Variants in EPHB1 observed in about 807,000 individuals in gnomAD.
EPHB1 encodes ephrin type-B receptor 1.
In EPHB1, 30 loss-of-function variants were observed where a neutral mutation model predicts 94.4. The observed-to-expected ratio is 0.32, with a 90% CI of 0.24 to 0.43. EPHB1 has a LOEUF of 0.43. Among genes scored for constraint, EPHB1 ranks in the 20% least tolerant of loss-of-function variants. The probability of loss-of-function intolerance (pLI) is 1.00; values close to 1 mark genes in which losing one functional copy is unlikely to be tolerated. For missense variants in EPHB1, 1,055 were observed against 1,308.3 expected, an observed-to-expected ratio of 0.81 and a Z score of 2.99; for synonymous variants, 522 against 489.1, an observed-to-expected ratio of 1.07 and a Z score of -0.89.
intron 3 of EPHB1, among the ~76,000 whole-genome samples, chr3:134,998,466 T>G (rs1935068364): frequency 6.6e-6 from 1 of 152,214 alleles, no homozygotes; most frequent in South Asian, 2.1e-4. Context: ...ATCTCTGTTT[T>G]AGGCAGTAGA....
chr3:135,032,542 A>C (rs963284739), intron 3 of EPHB1, among the ~76,000 whole-genome samples: 2 of 152,162 alleles, frequency 1.3e-5, no homozygotes, highest in Non-Finnish European at 2.9e-5. Context: ...AGGGCTTAAA[A>C]AATTGTATCT....
intron 3 of EPHB1, among the ~76,000 whole-genome samples, chr3:135,092,169 G>C (rs562378709): frequency 1.8e-4 from 27 of 152,244 alleles, no homozygotes; most frequent in African/African-American, 6.5e-4. Flanking sequence ...ACTGGCAGCC[G>C]GGCACTGAGA....
chr3:134,859,382 T>A (rs562824879), intron 1 of EPHB1, among the ~76,000 whole-genome samples: 1 of 152,304 alleles, frequency 6.6e-6, no homozygotes, highest in East Asian at 1.9e-4. Context: ...TCCTGCTGGA[T>A]GTTAACTTGG....
chr3:134,821,553 A>G (rs1404657452), intron 1 of EPHB1, among the ~76,000 whole-genome samples: 2 of 152,194 alleles, frequency 1.3e-5, no homozygotes, highest in African/African-American at 2.4e-5. Flanking sequence ...TTAGTGGTGA[A>G]AAAAGGATAA....
Position 135,252,298 on chromosome 3 carries a change from C to T in EPHB1, c.2846+2807C>T, listed in dbSNP as rs1933148931. Reference sequence around the variant, plus strand: ...GTTACATATGTATACATGTGCCATGCTGGTGCGCTGCACCCACTAACTCGT... The same window carrying T: ...GTTACATATGTATACATGTGCCATGTTGGTGCGCTGCACCCACTAACTCGT... On this transcript the variant is annotated intron_variant, in intron 15 of 15. Coordinates refer to ENST00000398015, the MANE Select transcript of EPHB1 (RefSeq NM_004441.5). Among the ~76,000 whole-genome samples the T allele has an allele frequency of 6.0e-5, 9 of 150,938 alleles. No homozygotes were observed. In the South Asian group the frequency reaches 1.9e-3, roughly 32 times the overall value.
At chr3:135,090,805 A>G (rs1321852633) in intron 3 of EPHB1, among the ~76,000 whole-genome samples, 1 of 152,246 alleles carries the variant, frequency 6.6e-6, no homozygotes, top group Non-Finnish European at 1.5e-5. Context: ...TCAGCCTCAA[A>G]GCTTTTGCTC....
intron 1 of EPHB1, among the ~76,000 whole-genome samples, chr3:134,819,534 A>G (rs917487664): frequency 1.3e-5 from 2 of 152,196 alleles, no homozygotes; most frequent in African/African-American, 4.8e-5. Context: ...GATAACATAG[A>G]TGGATTGCCT....
At chr3:135,048,693 C>T (rs1395171761) in intron 3 of EPHB1, among the ~76,000 whole-genome samples, 1 of 152,216 alleles carries the variant, frequency 6.6e-6, no homozygotes, top group Non-Finnish European at 1.5e-5. Flanking sequence ...ATGCTGGCAT[C>T]TAGCCACATC....
chr3:134,971,530 T>C (rs895868090), intron 3 of EPHB1, among the ~76,000 whole-genome samples: 14 of 152,214 alleles, frequency 9.2e-5, no homozygotes, highest in Admixed American at 9.2e-4. Context: ...TTAATGTGAA[T>C]GTTTATTTGT....
intron 1 of EPHB1, among the ~76,000 whole-genome samples, chr3:134,826,918 A>T (rs951923408): frequency 1.3e-5 from 2 of 152,180 alleles, no homozygotes; most frequent in Admixed American, 1.3e-4. Context: ...CGCAACATCC[A>T]TGGGGTATTT....
intron 3 of EPHB1, among the ~76,000 whole-genome samples, chr3:135,009,103 T>A (rs1576313481): frequency 6.6e-6 from 1 of 152,222 alleles, no homozygotes; most frequent in East Asian, 1.9e-4. Flanking sequence ...GGGAGGAATA[T>A]GGATGCAGGA....
chr3:134,905,371 C>A (rs1356143778), intron 1 of EPHB1, among the ~76,000 whole-genome samples: 2 of 152,206 alleles, frequency 1.3e-5, no homozygotes, highest in Non-Finnish European at 2.9e-5. Flanking sequence ...TGCAGCCACT[C>A]CCCGCCACAC....
chr3:134,879,544 C>T (rs74355020), intron 1 of EPHB1, among the ~76,000 whole-genome samples: 1 of 152,042 alleles, frequency 6.6e-6, no homozygotes, highest in Non-Finnish European at 1.5e-5. Context: ...CCCAACTACT[C>T]AGGAGGCTGA....
At chr3:134,944,968 T>C (rs2039188305) in intron 2 of EPHB1, among the ~76,000 whole-genome samples, 1 of 152,192 alleles carries the variant, frequency 6.6e-6, no homozygotes. Flanking sequence ...CCCCAAAAAG[T>C]ATCATAATGT....
Position 135,132,726 on chromosome 3 carries a change from GT to G in EPHB1, c.975del (p.Arg327AlafsTer28). ...PEVACTSVPS[G>X]PRNVISIVNE... ...TGTCTCCCTGCAGGCGTCCCATCAGGTCCCCGCAATGTTATCTCCATCGTCA... is the reference window on the plus strand; with the variant it reads ...TGTCTCCCTGCAGGCGTCCCATCAGGCCCCGCAATGTTATCTCCATCGTCA... On this transcript the variant is annotated frameshift_variant, in exon 5 of 16. Transcript: ENST00000398015. LOFTEE classifies it high-confidence loss of function. 6.3e-7 allele frequency: 1 copy of G among 1,590,550 alleles called. No homozygotes were observed. The highest frequency in any genetic ancestry group is 8.6e-7 in the Non-Finnish European group (1 of 1,163,988).
intron 6 of EPHB1, among the ~76,000 whole-genome samples, chr3:135,158,542 T>C (rs1941421217): frequency 6.6e-6 from 1 of 152,192 alleles, no homozygotes; most frequent in South Asian, 2.1e-4. Flanking sequence ...ATGGGTCTCC[T>C]GCTCCACATA....
intron 3 of EPHB1, among the ~76,000 whole-genome samples, chr3:135,088,037 C>T (rs1938422982): frequency 6.6e-6 from 1 of 152,152 alleles, no homozygotes; most frequent in African/African-American, 2.4e-5. Context: ...ATAGACCATA[C>T]TTATTTTTTT....
intron 4 of EPHB1, among the ~76,000 whole-genome samples, chr3:135,126,472 C>T (rs1232361859): frequency 2.6e-5 from 4 of 152,164 alleles, no homozygotes; most frequent in African/African-American, 4.8e-5. Flanking sequence ...CAAAGTCAGG[C>T]TACCTCTAGG....
chr3:134,959,204 C>A (rs922579119), intron 3 of EPHB1, among the ~76,000 whole-genome samples: 5 of 152,294 alleles, frequency 3.3e-5, no homozygotes, highest in African/African-American at 1.2e-4. Context: ...CCATCGTTTT[C>A]TTCACCAACG....
Sources: gnomAD v4.1 joint callset for allele counts (sites outside exome capture counted in the v4.1 genomes callset) on GRCh38, gnomAD v4.1.1 for gene constraint, MANE v1.5 for transcripts, NCBI Gene and HGNC (gene_info 2026-07-23, HGNC 2026-07-21) for gene names.